The following PCDH11X variants were observed in gnomAD, a reference collection of about 807,000 sequenced individuals.
The protein encoded by PCDH11X is protocadherin-11 X-linked.
PCDH11X carries 18 observed loss-of-function variants against 53.3 expected under a neutral mutation model. That is an observed-to-expected ratio of 0.34 (90% CI 0.23 to 0.50). The LOEUF (loss-of-function observed/expected upper bound fraction) is 0.50. Ranked by LOEUF, PCDH11X falls within the 20% of genes least tolerant of loss-of-function variation. The pLI is 0.98. For missense variants in PCDH11X, 570 were observed against 1,032.4 expected, an observed-to-expected ratio of 0.55 and a Z score of 6.14; for synonymous variants, 279 against 393.3, an observed-to-expected ratio of 0.71 and a Z score of 3.44.
intron 8 of PCDH11X, among the ~76,000 whole-genome samples, chrX:92,302,394 G>A (rs1359227343): frequency 9.1e-6 from 1 of 110,103 alleles, no homozygotes; most frequent in African/African-American, 3.3e-5. Context: ...TCTTGAACAA[G>A]TATATCTTCA....
intron 6 of PCDH11X, among the ~76,000 whole-genome samples, chrX:91,942,477 C>T (rs1003258861): frequency 2.7e-5 from 3 of 109,402 alleles, no homozygotes; most frequent in Non-Finnish European, 3.8e-5. Context: ...ACAAATTACT[C>T]GAAAAATGCA....
intron 10 of PCDH11X, among the ~76,000 whole-genome samples, chrX:92,482,840 C>G (rs1321143425): frequency 9.1e-6 from 1 of 109,938 alleles, no homozygotes; most frequent in Non-Finnish European, 1.9e-5. Context: ...TGTGTAGACT[C>G]CTTATAAATA....
Position 92,518,075 on chromosome X carries a change from G to A in PCDH11X, c.3367+49753G>A, listed in dbSNP as rs1226550259. On this transcript the variant is annotated intron_variant, in intron 10 of 10. Transcript: ENST00000682573. Reference sequence around the variant, plus strand: ...TGGATTGATTTCTCTTTTTTTATTGGTTGGTTTAAGCAAAACAGTATGTAA... The same window carrying A: ...TGGATTGATTTCTCTTTTTTTATTGATTGGTTTAAGCAAAACAGTATGTAA... 2.8e-5 allele frequency among the ~76,000 whole-genome samples: 3 copies of A among 105,599 alleles called. No individual in the cohort carries two copies. The Admixed American group carries it at 3.1e-4, about 11-fold the overall frequency. The allele number at this position is 105,599 out of a possible 115,157, so 91.7% of individuals were successfully genotyped here.
chrX:92,532,986 C>T (rs1358727280), intron 10 of PCDH11X, among the ~76,000 whole-genome samples: 3 of 109,774 alleles, frequency 2.7e-5, no homozygotes. Flanking sequence ...AGACCCACCT[C>T]CATAATTCAA....
At chrX:92,173,709 T>C (rs112070210) in intron 6 of PCDH11X, among the ~76,000 whole-genome samples, 46,925 of 108,894 alleles carry the variant, frequency 0.43, 8,590 homozygotes, top group Non-Finnish European at 0.58. Context: ...AATGAGAAAG[T>C]CCAGGTGTGG....
intron 9 of PCDH11X, among the ~76,000 whole-genome samples, chrX:92,445,676 A>G (rs765096748): frequency 0.025 from 2,743 of 108,860 alleles, 98 homozygotes; most frequent in African/African-American, 0.088. Flanking sequence ...ACTTAATGAA[A>G]CTAGGATATT....
At chrX:92,170,952 C>G (rs760601980) in intron 6 of PCDH11X, among the ~76,000 whole-genome samples, 1 of 79,589 alleles carries the variant, frequency 1.3e-5, no homozygotes, top group Non-Finnish European at 2.8e-5. Flanking sequence ...CCACTGCGCC[C>G]GGCCAAGCCT....
At chrX:92,599,159 T>C (rs1416252697) in intron 10 of PCDH11X, among the ~76,000 whole-genome samples, 1 of 111,726 alleles carries the variant, frequency 9.0e-6, no homozygotes, top group African/African-American at 3.3e-5. Context: ...TCAATAATAA[T>C]TTAACTGTAC....
chrX:92,618,094 C>T (rs1928178989), intron 10 of PCDH11X, 170 bp from the exon 11 acceptor site: 1 of 349,347 alleles, frequency 2.9e-6, no homozygotes, highest in Non-Finnish European at 3.7e-6. Flanking sequence ...GTCATTTATA[C>T]TTCCCTAAGA....
intron 6 of PCDH11X, among the ~76,000 whole-genome samples, chrX:91,963,723 C>T (rs914481795): frequency 1.3e-4 from 15 of 111,405 alleles, no homozygotes; most frequent in Non-Finnish European, 2.4e-4. Context: ...CGAATAAGGA[C>T]GTACCAGAGA....
intron 6 of PCDH11X, among the ~76,000 whole-genome samples, chrX:92,177,336 T>C (rs1258252635): frequency 9.0e-6 from 1 of 111,363 alleles, no homozygotes; most frequent in Admixed American, 9.6e-5. Context: ...TGCTTAAATG[T>C]CTTTGGAGAA....
intron 8 of PCDH11X, among the ~76,000 whole-genome samples, chrX:92,376,312 G>A (rs1472525823): frequency 9.0e-6 from 1 of 111,609 alleles, no homozygotes; most frequent in Non-Finnish European, 1.9e-5. Flanking sequence ...AGTTACTTGT[G>A]TTATTTTCTC....
intron 10 of PCDH11X, among the ~76,000 whole-genome samples, chrX:92,508,223 G>T (rs200856995): frequency 0.074 from 4,734 of 64,407 alleles, 88 homozygotes; most frequent in South Asian, 0.15. Flanking sequence ...GTTTTTTTTT[G>T]TTGTTTTTTT....
chrX:91,800,304 G>C (rs1935889704), intron 1 of PCDH11X, among the ~76,000 whole-genome samples: 1 of 110,551 alleles, frequency 9.0e-6, no homozygotes, highest in Non-Finnish European at 1.9e-5. Context: ...AAAATAATCA[G>C]TTTGAAAATC....
intron 9 of PCDH11X, among the ~76,000 whole-genome samples, chrX:92,403,330 T>G (rs1272026404): frequency 2.2e-3 from 142 of 63,167 alleles, no homozygotes; most frequent in African/African-American, 0.011. Flanking sequence ...GGCATTTACG[T>G]TTTTTTTTGT....
chrX:92,304,645 G>A (rs913089135), intron 8 of PCDH11X, among the ~76,000 whole-genome samples: 4 of 111,559 alleles, frequency 3.6e-5, no homozygotes, highest in African/African-American at 1.3e-4. Flanking sequence ...TTCTTCAGAG[G>A]ATGAAAATGA....
At chrX:91,880,704 A>G (rs2147739128) in intron 6 of PCDH11X, among the ~76,000 whole-genome samples, 1 of 110,240 alleles carries the variant, frequency 9.1e-6, no homozygotes, top group African/African-American at 3.3e-5. Flanking sequence ...CTTTAAAAGA[A>G]TTTACGCTGC....
chrX:91,920,582 A>G (rs960964528), intron 6 of PCDH11X, among the ~76,000 whole-genome samples: 5 of 111,182 alleles, frequency 4.5e-5, no homozygotes, highest in African/African-American at 1.6e-4. Context: ...ATTCTACTCC[A>G]CCTATCCCCC....
intron 6 of PCDH11X, among the ~76,000 whole-genome samples, chrX:91,895,288 A>T (rs1238113128): frequency 9.0e-6 from 1 of 111,377 alleles, no homozygotes; most frequent in Non-Finnish European, 1.9e-5. Flanking sequence ...TTCTGAAAAT[A>T]CATTTTTCAC....
Sources: gnomAD v4.1 joint callset for allele counts (sites outside exome capture counted in the v4.1 genomes callset) on GRCh38, gnomAD v4.1.1 for gene constraint, MANE v1.5 for transcripts, NCBI Gene and HGNC (gene_info 2026-07-23, HGNC 2026-07-21) for gene names.